The following PDXDC1 variants were observed in gnomAD, a reference collection of about 807,000 sequenced individuals.
PDXDC1 encodes the protein pyridoxal dependent decarboxylase domain containing 1.
Under a neutral mutation model 100.1 loss-of-function variants are expected in PDXDC1, and 42 were observed. The observed-to-expected ratio is 0.42, with a 90% CI of 0.33 to 0.54. The LOEUF (loss-of-function observed/expected upper bound fraction) is 0.54, where lower values mean the gene tolerates loss of function less well. PDXDC1 is among the 20% of genes least tolerant of loss of function. PDXDC1 has a pLI of 0.10. For missense variants in PDXDC1, 636 were observed against 979.2 expected (o/e 0.65, Z 4.68); for synonymous variants, 260 against 371.7 (o/e 0.70, Z 3.46).
chr16:15,033,984 G>A (rs1400275148), intron 19 of PDXDC1: 6 of 497,470 alleles, frequency 1.2e-5, no homozygotes, highest in Admixed American at 3.4e-5. Flanking sequence ...ACATGCGGCC[G>A]AGAAGCCAGC....
intron 16 of PDXDC1, chr16:15,104,438 G>T: frequency 1.6e-6 from 2 of 1,264,138 alleles, no homozygotes; most frequent in East Asian, 3.9e-5. Context: ...CGCTGAGGGT[G>T]GAGCTGAGGG....
At chr16:15,033,959 G>C in intron 19 of PDXDC1, 1 of 459,300 alleles carries the variant, frequency 2.2e-6, no homozygotes, top group East Asian at 3.9e-5. Flanking sequence ...AAAGGAGAGA[G>C]ACACGAGCCA....
At chr16:15,091,807 T>C (rs1268783929) in intron 16 of PDXDC1, among the ~76,000 whole-genome samples, 1 of 152,188 alleles carries the variant, frequency 6.6e-6, no homozygotes, top group Non-Finnish European at 1.5e-5. Flanking sequence ...GCTTCTAAAC[T>C]ACCACAAAAA....
At position 14,998,388 on chromosome 16, in the gene PDXDC1, A is replaced by C. The variant is rs146743710; in HGVS notation, c.144A>C (p.Pro48=). 3.2e-5 allele frequency: 52 copies of C among 1,613,200 alleles called. No individual in the cohort carries two copies. In the African/African-American group the frequency reaches 5.7e-4, roughly 18 times the overall value. Residue 48 remains proline (P), a synonymous_variant, in exon 3 of 23, where the codon CCA becomes CCC. Coordinates refer to ENST00000396410, the MANE Select transcript of PDXDC1 (RefSeq NM_015027.4). ...AGAAGCTCATATCCGGAGATATTCC[A>C]GGCCCACTCCAGGGCAGGTAGGTGG... is the stretch of plus-strand genomic sequence containing the variant. The part of the protein sequence containing the change: ...NGKKLISGDI[P]GPLQGSGQDM...
chr16:15,038,372 G>T, downstream of PDXDC1: 1 of 631,294 alleles, frequency 1.6e-6, no homozygotes, highest in Non-Finnish European at 2.8e-6. Context: ...ATTGCTTACT[G>T]CTTTACCCAC....
intron 16 of PDXDC1, chr16:15,128,110 C>T (rs1289053364): frequency 6.2e-7 from 1 of 1,609,648 alleles, no homozygotes; most frequent in Admixed American, 1.7e-5. Flanking sequence ...TGATGACGTG[C>T]TGCAGGAACC....
intron 1 of PDXDC1, among the ~76,000 whole-genome samples, chr16:14,991,586 T>C (rs1319245629): frequency 6.6e-6 from 1 of 151,262 alleles, no homozygotes; most frequent in Non-Finnish European, 1.5e-5. Flanking sequence ...TGGCACAATC[T>C]TGTCTCACTG....
chr16:15,059,442 A>G (rs2044636694), intron 16 of PDXDC1, among the ~76,000 whole-genome samples: 1 of 152,228 alleles, frequency 6.6e-6, no homozygotes, highest in Non-Finnish European at 1.5e-5. Context: ...TAACTTGTAC[A>G]TGCATCGAAT....
At chr16:15,023,789 G>A (rs1438058162) in intron 13 of PDXDC1, among the ~76,000 whole-genome samples, 1 of 152,288 alleles carries the variant, frequency 6.6e-6, no homozygotes, top group East Asian at 1.9e-4. Flanking sequence ...GTGGACCACT[G>A]GAGAAGCAGA....
At chr16:15,124,405 T>C (rs1052471003) in intron 16 of PDXDC1, among the ~76,000 whole-genome samples, 1 of 152,190 alleles carries the variant, frequency 6.6e-6, no homozygotes, top group Non-Finnish European at 1.5e-5. Context: ...CAGGAAATAT[T>C]CTATTGATGC....
At chr16:15,083,953 T>C (rs2151809721) in intron 16 of PDXDC1, among the ~76,000 whole-genome samples, 1 of 152,282 alleles carries the variant, frequency 6.6e-6, no homozygotes, top group East Asian at 1.9e-4. Flanking sequence ...CGACCTCAGG[T>C]GATCCGCCCG....
intron 1 of PDXDC1, among the ~76,000 whole-genome samples, chr16:14,981,911 C>G (rs1172762114): frequency 6.6e-6 from 1 of 152,106 alleles, no homozygotes; most frequent in Non-Finnish European, 1.5e-5. Flanking sequence ...TTCACTGTAA[C>G]CTCTGCCTCT....
At chr16:15,133,960 C>T (rs992932136) in intron 16 of PDXDC1, 287 of 1,360,332 alleles carry the variant, frequency 2.1e-4, no homozygotes, top group Non-Finnish European at 2.7e-4. Flanking sequence ...GTGTATCCCT[C>T]GCCGTCCCGC....
rs753372806 is a variant in PDXDC1 at position 15,061,780 on chromosome 16, G to A, written c.1399+31724G>A. 4.3e-6 allele frequency: 7 copies of A among 1,613,896 alleles called. No homozygotes were observed. In the Admixed American group the frequency reaches 6.7e-5, roughly 15 times the overall value. On this transcript the variant is annotated intron_variant, in intron 16 of 16. Transcript: ENST00000535621. ...TGGGTTGCATGTACAACACGGGTGG[G>A]GAGCCCACACTACTTGAAGGACTTC... is the stretch of plus-strand genomic sequence containing the variant.
intron 11 of PDXDC1, among the ~76,000 whole-genome samples, chr16:15,017,843 G>A (rs1214391016): frequency 3.3e-5 from 5 of 151,860 alleles, no homozygotes; most frequent in Non-Finnish European, 7.3e-5. Context: ...CCAGGCTGGA[G>A]TGCAATGGTG....
chr16:15,142,917 G>T (rs576344716), downstream of PDXDC1, among the ~76,000 whole-genome samples: 4 of 152,190 alleles, frequency 2.6e-5, no homozygotes, highest in East Asian at 7.8e-4. Context: ...AGAGCAGAGT[G>T]CAGGGTCCTC....
intron 11 of PDXDC1, among the ~76,000 whole-genome samples, chr16:15,017,780 A>C (rs1212083688): frequency 6.6e-6 from 1 of 152,168 alleles, no homozygotes; most frequent in East Asian, 1.9e-4. Flanking sequence ...CACATTGCCC[A>C]ATAGGTTTTA....
intron 16 of PDXDC1, chr16:15,047,851 A>T: frequency 6.2e-7 from 1 of 1,609,292 alleles, no homozygotes; most frequent in Non-Finnish European, 8.5e-7. Flanking sequence ...CTCTCTCATC[A>T]TACCTGTGTG....
chr16:15,033,219 C>T, intron 18 of PDXDC1, 59 bp from the exon 19 acceptor site: 1 of 1,594,386 alleles, frequency 6.3e-7, no homozygotes, highest in Non-Finnish European at 8.6e-7. Context: ...GAGAGTAGGT[C>T]CACGTCTCAC....
Sources: gnomAD v4.1 joint callset for allele counts (sites outside exome capture counted in the v4.1 genomes callset) on GRCh38, gnomAD v4.1.1 for gene constraint, MANE v1.5 for transcripts, NCBI Gene and HGNC (gene_info 2026-07-23, HGNC 2026-07-21) for gene names.